Variants in GPR155 observed in about 807,000 individuals in gnomAD.
The protein encoded by GPR155 is G protein-coupled receptor 155, also known as lysosomal cholesterol signaling protein.
A neutral mutation model predicts 93.1 loss-of-function variants in GPR155; 65 were observed. The observed-to-expected ratio is 0.70, with a 90% CI of 0.57 to 0.86. The LOEUF (loss-of-function observed/expected upper bound fraction) is 0.86, where lower values mean the gene tolerates loss of function less well. Among genes scored for constraint, GPR155 ranks in the 40% least tolerant of loss-of-function variants. The pLI is 0.00. For missense variants in GPR155, 838 were observed against 1,034.8 expected (o/e 0.81, Z 2.61); for synonymous variants, 319 against 360.1 (o/e 0.89, Z 1.29).
Position 174,481,549 on chromosome 2 carries a change from T to A in GPR155, c.408A>T (p.Leu136=). 6.2e-7 allele frequency: 1 copy of A among 1,612,608 alleles called. No individual in the cohort carries two copies. The highest frequency in any genetic ancestry group is 2.2e-5 in the East Asian group (1 of 44,866). Residue 136 remains leucine (L), a synonymous_variant, in exon 2 of 16, where the codon CTA becomes CTT. Coordinates refer to ENST00000392552, the MANE Select transcript of GPR155 (RefSeq NM_152529.7). ...TACTTTGTGTAGCAAAAATAGGGAATAGTCCAGCTTTGCTAAATCGACTAT... is the reference window on the plus strand; with the variant it reads ...TACTTTGTGTAGCAAAAATAGGGAAAAGTCCAGCTTTGCTAAATCGACTAT... ...SPDSRFSKAG[L]FPIFATQSND...
chr2:174,476,128 C>T (rs915197976), intron 2 of GPR155, among the ~76,000 whole-genome samples: 1 of 152,212 alleles, frequency 6.6e-6, no homozygotes, highest in African/African-American at 2.4e-5. Context: ...TTGATTGCTA[C>T]TACAATTATT....
At chr2:174,466,106 A>G (rs1687831698) in intron 6 of GPR155, among the ~76,000 whole-genome samples, 1 of 152,202 alleles carries the variant, frequency 6.6e-6, no homozygotes, top group Non-Finnish European at 1.5e-5. Flanking sequence ...TTAAAAATCC[A>G]TTTTATAACA....
At chr2:174,455,021 A>G (rs1056058983) in intron 10 of GPR155, among the ~76,000 whole-genome samples, 1 of 152,164 alleles carries the variant, frequency 6.6e-6, no homozygotes, top group Non-Finnish European at 1.5e-5. Context: ...GGCTATAGTC[A>G]ACAAAGATAC....
chr2:174,458,407 T>G (rs1687583826), intron 10 of GPR155, among the ~76,000 whole-genome samples: 1 of 152,196 alleles, frequency 6.6e-6, no homozygotes, highest in South Asian at 2.1e-4. Flanking sequence ...ATTGAACTCA[T>G]TATCTTCCCC....
intron 1 of GPR155, chr2:174,482,730 C>T (rs1344515682): frequency 6.6e-6 from 1 of 152,212 alleles, no homozygotes; most frequent in African/African-American, 2.4e-5. Context: ...GAACTCCTGA[C>T]CTCAGGTGAT....
At chr2:174,469,871 C>A (rs1478624282) in intron 4 of GPR155, among the ~76,000 whole-genome samples, 3 of 152,146 alleles carry the variant, frequency 2.0e-5, no homozygotes, top group Non-Finnish European at 4.4e-5. Context: ...GCATCAAATT[C>A]TCATAAAAAA....
At position 174,435,146 on chromosome 2, in the gene GPR155, G is replaced by T. The variant is rs1686738454; in HGVS notation, c.*970C>A. ...AATTTTGAAATTATAGTAAACAGTT[G>T]CAGAAAGCAATGATTATATAATGTT... is the stretch of plus-strand genomic sequence containing the variant. On this transcript the variant is annotated 3_prime_UTR_variant, in exon 16 of 16. Transcript: ENST00000392552. 1 of 152,130 alleles carries T rather than the reference G, an allele frequency of 6.6e-6. No individual in the cohort carries two copies. 9.4% of individuals were successfully genotyped at this position (152,130 alleles called of 1,614,324 possible).
At chr2:174,445,781 ATT>A (rs1394784260) in intron 12 of GPR155, among the ~76,000 whole-genome samples, 1 of 152,058 alleles carries the variant, frequency 6.6e-6, no homozygotes, top group Non-Finnish European at 1.5e-5. Context: ...CTGTATTTTA[ATT>A]TTCTCTATTT....
chr2:174,470,339 AT>A (rs922865202), intron 4 of GPR155, 50 bp downstream of exon 4: 7 of 1,386,554 alleles, frequency 5.0e-6, no homozygotes, highest in African/African-American at 1.5e-5. Context: ...GAATTTAAAA[AT>A]TTTTTTCGAC....
intron 7 of GPR155, among the ~76,000 whole-genome samples, chr2:174,463,724 A>T (rs1378713455): frequency 6.6e-6 from 1 of 152,230 alleles, no homozygotes; most frequent in Non-Finnish European, 1.5e-5. Context: ...ATCCTTTGTC[A>T]TGTTAATTAA....
At chr2:174,484,061 T>C (rs1688404358) in intron 1 of GPR155, among the ~76,000 whole-genome samples, 1 of 152,198 alleles carries the variant, frequency 6.6e-6, no homozygotes, top group African/African-American at 2.4e-5. Context: ...CAACAACTGA[T>C]AGCTGGCGTG....
chr2:174,438,288 T>C (rs1686851358), intron 15 of GPR155, among the ~76,000 whole-genome samples: 1 of 151,926 alleles, frequency 6.6e-6, no homozygotes, highest in Non-Finnish European at 1.5e-5. Flanking sequence ...TGGCAGAGAA[T>C]GTGACACTGT....
At chr2:174,445,628 T>C (rs898871840) in intron 12 of GPR155, among the ~76,000 whole-genome samples, 2 of 152,206 alleles carry the variant, frequency 1.3e-5, no homozygotes, top group Admixed American at 6.5e-5. Flanking sequence ...TGCAAAGCGT[T>C]CCTTCATAGG....
In GPR155 at chr2:174,457,105, A is replaced by C. The variant is rs369312951; in HGVS notation, c.1771+2773T>G. On this transcript the variant is annotated intron_variant, in intron 10 of 15. Coordinates refer to ENST00000392552, the MANE Select transcript of GPR155 (RefSeq NM_152529.7). ...CGCAGGCAGATCACTTGAGGTCAGA[A>C]GTTCGAGACCAGCCTGGCCAACATG... 1.5e-4 allele frequency among the ~76,000 whole-genome samples: 23 copies of C among 152,306 alleles called. 1 individual carries two copies. The East Asian group carries it at 4.4e-3, about 29-fold the overall frequency.
intron 12 of GPR155, among the ~76,000 whole-genome samples, chr2:174,446,320 AT>A (rs372956347): frequency 0.95 from 124,176 of 131,112 alleles, 59,065 homozygotes; most frequent in South Asian, 0.99. Flanking sequence ...AAAAAAAAAA[AT>A]AAAAAATAAA....
chr2:174,477,555 TA>T (rs1688202454), intron 2 of GPR155, among the ~76,000 whole-genome samples: 1 of 152,170 alleles, frequency 6.6e-6, no homozygotes, highest in African/African-American at 2.4e-5. Context: ...CATGTTAAAT[TA>T]CTAGAATAGG....
At chr2:174,450,730 C>T (rs1370446270) in intron 11 of GPR155, among the ~76,000 whole-genome samples, 1 of 152,136 alleles carries the variant, frequency 6.6e-6, no homozygotes, top group Non-Finnish European at 1.5e-5. Context: ...TAGTCTTATA[C>T]AAGTCAGTGA....
At chr2:174,472,878 G>A (rs1349064068) in intron 3 of GPR155, 87 bp downstream of exon 3, 1 of 1,015,018 alleles carries the variant, frequency 9.9e-7, no homozygotes, top group African/African-American at 1.6e-5. Context: ...ATTCAAAGGG[G>A]AAAATGGTTG....
chr2:174,467,514 G>A (rs571801260), intron 5 of GPR155, among the ~76,000 whole-genome samples: 2 of 152,268 alleles, frequency 1.3e-5, no homozygotes, highest in Admixed American at 1.3e-4. Flanking sequence ...CCTTGACCAG[G>A]GCCATGTTCT....
Sources: allele counts gnomAD v4.1 joint callset (sites outside exome capture counted in the v4.1 genomes callset), GRCh38; gene constraint gnomAD v4.1.1; transcripts MANE v1.5; gene names NCBI Gene and HGNC (gene_info 2026-07-23, HGNC 2026-07-21).